Variants in FUT4 observed in about 807,000 individuals in gnomAD.
The protein encoded by FUT4 is fucosyltransferase 4.
Under a neutral mutation model 3.8 loss-of-function variants are expected in FUT4, and 1 was observed. That is an observed-to-expected ratio of 0.26 (90% confidence interval 0.09 to 1.25). The LOEUF is 1.25. Among genes scored for constraint, FUT4 ranks in the 50% most tolerant of loss-of-function variants. The probability of loss-of-function intolerance (pLI) is 0.47; values close to 1 mark genes in which losing one functional copy is unlikely to be tolerated. For synonymous variants in FUT4, 417 were observed against 355.3 expected (o/e 1.17, Z -1.95); for missense variants, 880 against 768.2 (o/e 1.15, Z -1.72).
rs1174979623 is a variant in FUT4 at position 94,545,885 on chromosome 11, G to A, written c.*159G>A. ...ACGATTTACCAATTAATATTACTCA[G>A]CACAGAGATGGGGGCCCGGTTTCCA... On this transcript the variant is annotated 3_prime_UTR_variant, in exon 1 of 1. Coordinates refer to ENST00000358752, the MANE Select transcript of FUT4 (RefSeq NM_002033.4). 7 of 930,806 alleles carry A rather than the reference G, an allele frequency of 7.5e-6. No individual in the cohort carries two copies. The allele number at this position is 930,806 out of a possible 1,614,324, so 57.7% of individuals were successfully genotyped here. A position where few individuals can be genotyped will look rare whatever the true frequency, so the allele number is the denominator to read the frequency against.
In FUT4 at chr11:94,546,417, T is replaced by A. The variant is rs1947862708; in HGVS notation, c.*691T>A. On this transcript the variant is annotated 3_prime_UTR_variant, in exon 1 of 1. Coordinates refer to ENST00000358752, the MANE Select transcript of FUT4 (RefSeq NM_002033.4). ...TCACTTTACATAAGAAATGTATTCC[T>A]GAAAAGCTGCATTTAAATCAAGTCC... 1 of 172,688 alleles carries A rather than the reference T, an allele frequency of 5.8e-6. No individual in the cohort carries two copies. Among genetic ancestry groups the A allele is most frequent in the Admixed American group, 6.0e-5 (1 of 16,726 alleles). 10.7% of individuals were successfully genotyped at this position (172,688 alleles called of 1,614,324 possible).
rs1565259700 is a variant in FUT4, at chr11:94,545,858, A to G, written c.*132A>G. The G allele has an allele frequency of 8.8e-7, 1 of 1,140,330 alleles. No homozygotes were observed. The highest frequency in any genetic ancestry group is 1.3e-6 in the Non-Finnish European group (1 of 772,818). 70.6% of individuals were successfully genotyped at this position (1,140,330 alleles called of 1,614,324 possible). A position where few individuals can be genotyped will look rare whatever the true frequency, so the allele number is the denominator to read the frequency against. ...CACCCATTTTTGCTCTATGGGAAAA[A>G]AACGATTTACCAATTAATATTACTC... On this transcript the variant is annotated 3_prime_UTR_variant, in exon 1 of 1. Transcript: ENST00000358752.
rs2135204723 is a variant in FUT4 at position 94,549,639 on chromosome 11, AC to A, written c.*3914del. The A allele has an allele frequency of 6.0e-6, 1 of 166,728 alleles. No individual in the cohort carries two copies. Among genetic ancestry groups the A allele is most frequent in the East Asian group, 1.9e-4 (1 of 5,188 alleles). 10.3% of individuals were successfully genotyped at this position (166,728 alleles called of 1,614,324 possible). Reference sequence around the variant, plus strand: ...AATCAGAGAAAGAAAATATAATTTAACTTTAAAGATGTAAATTATATATATA... The same window carrying A: ...AATCAGAGAAAGAAAATATAATTTAATTTAAAGATGTAAATTATATATATA... On this transcript the variant is annotated 3_prime_UTR_variant, in exon 1 of 1. Coordinates refer to ENST00000358752, the MANE Select transcript of FUT4 (RefSeq NM_002033.4).
Position 94,545,445 on chromosome 11 carries a change from G to T in FUT4, c.1312G>T (p.Val438Leu). The T allele has an allele frequency of 6.2e-7, 1 of 1,613,234 alleles. No individual in the cohort carries two copies. The highest frequency in any genetic ancestry group is 1.3e-5 in the African/African-American group (1 of 75,054). Residue 438 changes from valine (V) to leucine (L), a missense_variant, in exon 1 of 1, where the codon GTG becomes TTG. Around this residue, in one of 3 missense-constraint regions of FUT4, gnomAD observed 424 missense variants for 400.4 expected, o/e 1.06. Coordinates refer to ENST00000358752, the MANE Select transcript of FUT4 (RefSeq NM_002033.4). Reference sequence around the variant, plus strand: ...CGCGTTGCTCGCTGGGGCGGTGCCGGTGGTGCTGGGCCCAGACCGTGCCAA... The same window carrying T: ...CGCGTTGCTCGCTGGGGCGGTGCCGTTGGTGCTGGGCCCAGACCGTGCCAA... ...RNALLAGAVP[V>L]VLGPDRANYE... is the part of the protein sequence containing the mutation.
Position 94,547,008 on chromosome 11 carries a change from A to C in FUT4, c.*1282A>C, listed in dbSNP as rs1157350393. ...CTCACAGTCAATGCAGTGGTATAGC[A>C]TATCCTCACATTTCTAGTGCCCTTG... is the stretch of plus-strand genomic sequence containing the variant. On this transcript the variant is annotated 3_prime_UTR_variant, in exon 1 of 1. Coordinates refer to ENST00000358752, the MANE Select transcript of FUT4 (RefSeq NM_002033.4). 6.0e-6 allele frequency: 1 copy of C among 167,106 alleles called. No individual in the cohort carries two copies. Among genetic ancestry groups the C allele is most frequent in the Non-Finnish European group, 1.5e-5 (1 of 68,142 alleles). 10.4% of individuals were successfully genotyped at this position (167,106 alleles called of 1,614,324 possible).
rs114074063 is a variant in FUT4 at position 94,546,253 on chromosome 11, C to T, written c.*527C>T. 11 of 284,718 alleles carry T rather than the reference C, an allele frequency of 3.9e-5. No individual in the cohort carries two copies. The highest frequency in any genetic ancestry group is 2.2e-4 in the African/African-American group (10 of 45,342). The allele number at this position is 284,718 out of a possible 1,614,324, so 17.6% of individuals were successfully genotyped here. A position where few individuals can be genotyped will look rare whatever the true frequency, so the allele number is the denominator to read the frequency against. ...GTTTGGATTCCTCACAGCCTTGGCT[C>T]CTGAGAAAGGTGAGGAGGGCAGTCC... On this transcript the variant is annotated 3_prime_UTR_variant, in exon 1 of 1. Transcript: ENST00000358752.
rs958155876 is a variant in FUT4 at position 94,547,813 on chromosome 11, G to C, written c.*2087G>C. 6.0e-6 allele frequency: 1 copy of C among 167,058 alleles called. No individual in the cohort carries two copies. The highest frequency in any genetic ancestry group is 1.5e-5 in the Non-Finnish European group (1 of 68,130). The allele number at this position is 167,058 out of a possible 1,614,324, so 10.3% of individuals were successfully genotyped here. On this transcript the variant is annotated 3_prime_UTR_variant, in exon 1 of 1. Coordinates refer to ENST00000358752, the MANE Select transcript of FUT4 (RefSeq NM_002033.4). ...CAGCTATGTGACATTGGGTAAATTA[G>C]TAGTAGTCCTGAGCCTCAGCGTCCT...
Position 94,546,765 on chromosome 11 carries a change from A to AC in FUT4, c.*1042dup, listed in dbSNP as rs1387462939. The AC allele has an allele frequency of 2.9e-4, 49 of 167,026 alleles. No individual in the cohort carries two copies. Among genetic ancestry groups the AC allele is most frequent in the Non-Finnish European group, 6.6e-4 (45 of 68,118 alleles). 10.3% of individuals were successfully genotyped at this position (167,026 alleles called of 1,614,324 possible). On this transcript the variant is annotated 3_prime_UTR_variant, in exon 1 of 1. Coordinates refer to ENST00000358752, the MANE Select transcript of FUT4 (RefSeq NM_002033.4). ...CCAGTCCTGCAGGAGTGCTGGCATT[A>AC]CCCTCTGCAGAACAGTGAAAGGTAT...
rs1319869257 is a variant in FUT4, at chr11:94,548,044, A to G, written c.*2318A>G. On this transcript the variant is annotated 3_prime_UTR_variant, in exon 1 of 1. Coordinates refer to ENST00000358752, the MANE Select transcript of FUT4 (RefSeq NM_002033.4). ...TGTTGTAGAATAAATTAAAAGGATA[A>G]TCTAAATCACCATTTAGATTAAGCT... 3 of 166,798 alleles carry G rather than the reference A, an allele frequency of 1.8e-5. No homozygotes were observed. The highest frequency in any genetic ancestry group is 4.4e-5 in the Non-Finnish European group (3 of 68,112). The allele number at this position is 166,798 out of a possible 1,614,324, so 10.3% of individuals were successfully genotyped here.
Position 94,544,533 on chromosome 11 carries a change from ACGG to A in FUT4, c.410_412del (p.Ala137del). 1 of 1,291,668 alleles carries A rather than the reference ACGG, an allele frequency of 7.7e-7. No individual in the cohort carries two copies. 80.0% of individuals were successfully genotyped at this position (1,291,668 alleles called of 1,614,324 possible). On this transcript the variant is annotated inframe_deletion, in exon 1 of 1. Transcript: ENST00000358752. ...CATGGGGGCACCGTGGGGCTCGCCGACGGCGGCGGCGGGCGGGCGGCGCGGGTG... is the reference window on the plus strand; with the variant it reads ...CATGGGGGCACCGTGGGGCTCGCCGACGGCGGCGGGCGGGCGGCGCGGGTG...
rs1947898330 is a variant in FUT4 at position 94,549,083 on chromosome 11, G to C, written c.*3357G>C. On this transcript the variant is annotated 3_prime_UTR_variant, in exon 1 of 1. Transcript: ENST00000358752. ...CAAAACAAAGATTAAATGTGATGAT[G>C]TATGCCAAGGTGCTTTGTATATTGT... 1 of 167,184 alleles carries C rather than the reference G, an allele frequency of 6.0e-6. No homozygotes were observed. The highest frequency in any genetic ancestry group is 1.9e-4 in the East Asian group (1 of 5,190). 10.4% of individuals were successfully genotyped at this position (167,184 alleles called of 1,614,324 possible).
chr11:94,545,134 A>G lies in FUT4; in HGVS notation c.1001A>G (p.Tyr334Cys), dbSNP rs967436754. The change falls in exon 1 of 1, where the codon TAC becomes TGC. Residue 334 changes from tyrosine to cysteine, a missense_variant. This residue lies in a region of FUT4 where 424 missense variants were observed against 400.4 expected (regional missense o/e 1.06). Coordinates refer to ENST00000358752, the MANE Select transcript of FUT4 (RefSeq NM_002033.4). ...GTCTTTGTGCCTTATGGCTACCTCT[A>G]CCCCAGAAGCCACCCCGGCGACCCG... ...SDVFVPYGYL[Y>C]PRSHPGDPPS... 6.2e-7 allele frequency: 1 copy of G among 1,609,640 alleles called. No homozygotes were observed. The highest frequency in any genetic ancestry group is 8.5e-7 in the Non-Finnish European group (1 of 1,179,334).
rs151024645 is a variant in FUT4 at position 94,545,721 on chromosome 11, C to T, written c.1588C>T (p.Arg530Trp). ...ACGGAACTTGGCCAGCTGGTTCGAG[C>T]GGTGAAGCCGCGCTCCCCTGGAAGC... The part of the protein sequence containing the change: ...SIRNLASWFE[R>W] The change falls in exon 1 of 1, where the codon CGG (arginine) becomes TGG (tryptophan). Residue 530 changes from arginine (R) to tryptophan (W), a missense_variant. Physicochemically the swap from Arg to Trp is moderately radical, Grantham distance 101. This residue lies in a region of FUT4 where 424 missense variants were observed against 400.4 expected (regional missense o/e 1.06). Transcript: ENST00000358752. 9 of 1,610,272 alleles carry T rather than the reference C, an allele frequency of 5.6e-6. No individual in the cohort carries two copies. Among genetic ancestry groups the T allele is most frequent in the Admixed American group, 5.0e-5 (3 of 59,694 alleles).
rs1011530149 is a variant in FUT4 at position 94,549,664 on chromosome 11, T to C, written c.*3938T>C. ...ACTTTAAAGATGTAAATTATATATA[T>C]AGTATATTATATATATTTTTAAAGC... On this transcript the variant is annotated 3_prime_UTR_variant, in exon 1 of 1. Transcript: ENST00000358752. 2.4e-5 allele frequency: 4 copies of C among 166,116 alleles called. No individual in the cohort carries two copies. Among genetic ancestry groups the C allele is most frequent in the East Asian group, 1.9e-4 (1 of 5,172 alleles). 10.3% of individuals were successfully genotyped at this position (166,116 alleles called of 1,614,324 possible).
In FUT4 at chr11:94,544,798, T is replaced by G. The variant is rs1947840372; in HGVS notation, c.665T>G (p.Leu222Arg). ...RLRFNISGCR[L>R]LTDRASYGEA... ...CGCTTCAACATCAGCGGCTGCCGCC[T>G]GCTCACCGACCGCGCGTCCTACGGA... The change falls in exon 1 of 1, where the codon CTG becomes CGG. Residue 222 changes from leucine to arginine, a missense_variant. Leu to Arg is a moderately radical substitution (Grantham distance 102). Transcript: ENST00000358752. 1.9e-6 allele frequency: 3 copies of G among 1,595,842 alleles called. No individual in the cohort carries two copies. Among genetic ancestry groups the G allele is most frequent in the Non-Finnish European group, 2.5e-6 (3 of 1,177,708 alleles).
chr11:94,544,044 C>G lies in FUT4; in HGVS notation c.-90C>G. The G allele has an allele frequency of 7.5e-7, 1 of 1,333,826 alleles. No individual in the cohort carries two copies. Among genetic ancestry groups the G allele is most frequent in the Non-Finnish European group, 9.6e-7 (1 of 1,040,190 alleles). The allele number at this position is 1,333,826 out of a possible 1,614,324, so 82.6% of individuals were successfully genotyped here. Reference sequence around the variant, plus strand: ...TGAACCGGGCCTTCCCTCTGGAAGGCGAGGGTTCGGGCCACAGTGAGCGAG... The same window carrying G: ...TGAACCGGGCCTTCCCTCTGGAAGGGGAGGGTTCGGGCCACAGTGAGCGAG... On this transcript the variant is annotated 5_prime_UTR_variant, in exon 1 of 1. Transcript: ENST00000358752.
Position 94,543,958 on chromosome 11 carries a change from G to A in FUT4, c.-176G>A, listed in dbSNP as rs932217998. 70 of 881,958 alleles carry A rather than the reference G, an allele frequency of 7.9e-5. No individual in the cohort carries two copies. Among genetic ancestry groups the A allele is most frequent in the Non-Finnish European group, 9.9e-5 (65 of 654,234 alleles). The allele number at this position is 881,958 out of a possible 1,614,324, so 54.6% of individuals were successfully genotyped here. On this transcript the variant is annotated 5_prime_UTR_variant, in exon 1 of 1. Coordinates refer to ENST00000358752, the MANE Select transcript of FUT4 (RefSeq NM_002033.4). ...CGGGTCCGCCTTCCGTCTGTTCTAG[G>A]GCCTGCTCCTGCGCGGCAGCTGCTT... is the stretch of plus-strand genomic sequence containing the variant.
Position 94,545,708 on chromosome 11 carries a change from C to A in FUT4, c.1575C>A (p.Ala525=), listed in dbSNP as rs1469570894. 2 of 1,611,714 alleles carry A rather than the reference C, an allele frequency of 1.2e-6. No homozygotes were observed. Among genetic ancestry groups the A allele is most frequent in the East Asian group, 4.5e-5 (2 of 44,852 alleles). The change falls in exon 1 of 1, where the codon GCC becomes GCA. Residue 525 remains alanine, a synonymous_variant. Coordinates refer to ENST00000358752, the MANE Select transcript of FUT4 (RefSeq NM_002033.4). ...GGCCCAAGAGCATACGGAACTTGGC[C>A]AGCTGGTTCGAGCGGTGAAGCCGCG... The part of the protein sequence containing the change: ...GDRPKSIRNL[A]SWFER
rs1454257839 is a variant in FUT4, at chr11:94,545,123, T to C, written c.990T>C (p.Tyr330=). The change falls in exon 1 of 1, where the codon TAT becomes TAC. Residue 330 remains tyrosine, a synonymous_variant. Coordinates refer to ENST00000358752, the MANE Select transcript of FUT4 (RefSeq NM_002033.4). ...YRADSDVFVP[Y]GYLYPRSHPG... ...CGGACTCGGACGTCTTTGTGCCTTA[T>C]GGCTACCTCTACCCCAGAAGCCACC... 2.5e-6 allele frequency: 4 copies of C among 1,612,536 alleles called. No homozygotes were observed. The highest frequency in any genetic ancestry group is 3.3e-5 in the Admixed American group (2 of 60,024).
Sources: allele counts gnomAD v4.1 joint callset, GRCh38; gene constraint gnomAD v4.1.1; regional missense constraint gnomAD v4.1.1; transcripts MANE v1.5; gene names NCBI Gene and HGNC (gene_info 2026-07-23, HGNC 2026-07-21).